Variants in KLHL8 observed in about 807,000 individuals in gnomAD.
The protein encoded by KLHL8 is kelch like family member 8.
Under a neutral mutation model 63.5 loss-of-function variants are expected in KLHL8, and 38 were observed. The ratio of observed to expected loss-of-function variants is 0.60; its 90% CI spans 0.46 to 0.78. KLHL8 has a LOEUF of 0.78. KLHL8 is among the 30% of genes least tolerant of loss of function. The pLI is 0.00. For synonymous variants in KLHL8, 224 were observed against 254.3 expected (o/e 0.88, Z 1.13); for missense variants, 566 against 752.4 (o/e 0.75, Z 2.90).
At chr4:87,164,980 C>G (rs1730329459) in intron 8 of KLHL8, among the ~76,000 whole-genome samples, 1 of 151,722 alleles carries the variant, frequency 6.6e-6, no homozygotes, top group Non-Finnish European at 1.5e-5. Context: ...AACCCCGTCT[C>G]TACTAAAAAT....
chr4:87,176,671 GAA>G (rs769103341), intron 6 of KLHL8, 84 bp downstream of exon 6: 6 of 768,240 alleles, frequency 7.8e-6, no homozygotes, highest in East Asian at 5.1e-5. Context: ...TTCTAAAGTA[GAA>G]AAAAAAGTTT....
intron 1 of KLHL8, among the ~76,000 whole-genome samples, chr4:87,237,319 G>A (rs1339460508): frequency 6.6e-6 from 1 of 152,210 alleles, no homozygotes; most frequent in Non-Finnish European, 1.5e-5. Flanking sequence ...AAGAAAAGCT[G>A]TATTTGAGCT....
At chr4:87,231,527 C>T (rs550376177) in intron 1 of KLHL8, among the ~76,000 whole-genome samples, 7 of 152,154 alleles carry the variant, frequency 4.6e-5, no homozygotes, top group South Asian at 4.2e-4. Flanking sequence ...TGAACAGTAA[C>T]GTTCATCCCA....
intron 1 of KLHL8, among the ~76,000 whole-genome samples, chr4:87,229,431 T>A (rs1733095513): frequency 1.3e-5 from 1 of 75,134 alleles, no homozygotes; most frequent in African/African-American, 6.5e-5. Flanking sequence ...TTTTTTTTTT[T>A]TTTTGGTGGG....
intron 1 of KLHL8, among the ~76,000 whole-genome samples, chr4:87,203,535 GAA>G (rs565987676): frequency 4.0e-5 from 3 of 75,740 alleles, no homozygotes; most frequent in Admixed American, 1.4e-4. Flanking sequence ...TCTCACAAAA[GAA>G]AAAAAAAAAA....
chr4:87,213,839 C>T (rs192682434), intron 1 of KLHL8, among the ~76,000 whole-genome samples: 7 of 152,200 alleles, frequency 4.6e-5, no homozygotes, highest in African/African-American at 7.2e-5. Flanking sequence ...CAGCCATACG[C>T]GACACAAGGC....
At chr4:87,180,968 T>G (rs1253808306) in intron 4 of KLHL8, among the ~76,000 whole-genome samples, 1 of 152,084 alleles carries the variant, frequency 6.6e-6, no homozygotes, top group African/African-American at 2.4e-5. Flanking sequence ...CCCATGAGGT[T>G]CAAGGCACAG....
At position 87,185,722 on chromosome 4, in the gene KLHL8, A is replaced by G; in HGVS notation, c.294T>C (p.Ser98=). Residue 98 remains serine, a synonymous_variant, in exon 3 of 10, where the codon TCT becomes TCC. Transcript: ENST00000273963. ...VIPYFRAMFL[S]EMAEAKQTLI... ...GCGTTTGCTTGGCTTCAGCCATTTCAGAAAGAAACATGGCTCTAAAGTAGG... is the reference window on the plus strand; with the variant it reads ...GCGTTTGCTTGGCTTCAGCCATTTCGGAAAGAAACATGGCTCTAAAGTAGG... 2 of 1,614,072 alleles carry G rather than the reference A, an allele frequency of 1.2e-6. No individual in the cohort carries two copies. Among genetic ancestry groups the G allele is most frequent in the Non-Finnish European group, 1.7e-6 (2 of 1,179,958 alleles).
At chr4:87,165,137 A>C (rs373185068) in intron 8 of KLHL8, among the ~76,000 whole-genome samples, 4 of 144,094 alleles carry the variant, frequency 2.8e-5, no homozygotes, top group Middle Eastern at 3.2e-3. Flanking sequence ...GCGACAGAGC[A>C]AGACTCTGTC....
intron 2 of KLHL8, among the ~76,000 whole-genome samples, chr4:87,188,987 A>T (rs1184091110): frequency 6.6e-6 from 1 of 152,260 alleles, no homozygotes; most frequent in African/African-American, 2.4e-5. Context: ...ATTAAATTTA[A>T]CGGAGTTTAA....
At chr4:87,207,693 C>T in intron 1 of KLHL8, 1 of 950,588 alleles carries the variant, frequency 1.1e-6, no homozygotes, top group East Asian at 2.4e-5. Context: ...GCAGGGCTCT[C>T]CAGAACATCA....
chr4:87,170,624 A>G lies in KLHL8; in HGVS notation c.1209-9T>C. On this transcript the variant is annotated splice_polypyrimidine_tract_variant and intron_variant, in intron 6 of 9. Transcript: ENST00000273963. ...CCAAGGCAATTCCTCGCCTGCAAAG[A>G]CAATAAAACATACTTTAGCAAATGA... The G allele has an allele frequency of 6.3e-7, 1 of 1,596,016 alleles. No homozygotes were observed. The highest frequency in any genetic ancestry group is 8.5e-7 in the Non-Finnish European group (1 of 1,174,816).
At chr4:87,222,941 CTTTTA>C (rs1055746534), upstream of KLHL8, among the ~76,000 whole-genome samples, 4 of 151,844 alleles carry the variant, frequency 2.6e-5, no homozygotes, top group Non-Finnish European at 5.9e-5. Context: ...ATAGCCTAAG[CTTTTA>C]TTTTATTTTA....
intron 2 of KLHL8, 31 bp from the exon 3 acceptor site, chr4:87,185,830 T>G: frequency 1.3e-6 from 2 of 1,513,006 alleles, no homozygotes; most frequent in Non-Finnish European, 8.8e-7. Flanking sequence ...AAGATTCTGT[T>G]TAATATCAAA....
intron 1 of KLHL8, among the ~76,000 whole-genome samples, chr4:87,218,342 G>T (rs1383351426): frequency 6.6e-6 from 1 of 150,904 alleles, no homozygotes; most frequent in East Asian, 1.9e-4. Context: ...AGTGATTCTC[G>T]TGTCTCTGGG....
At chr4:87,239,589 T>C (rs1733292818) in intron 1 of KLHL8, among the ~76,000 whole-genome samples, 1 of 152,176 alleles carries the variant, frequency 6.6e-6, no homozygotes, top group Non-Finnish European at 1.5e-5. Context: ...AAGCTTTACC[T>C]CTGGGTACCT....
rs752782498 is a variant in KLHL8 at position 87,185,787 on chromosome 4, G to A, written c.229C>T (p.Leu77=). The change falls in exon 3 of 10, where the codon CTA becomes TTA. Residue 77 remains leucine, a synonymous_variant. Transcript: ENST00000273963. ...AATACCAGCTTGTGACAAGAGATTA[G>A]CTTTGAGCCAACCTGTTCAAAAGAA... The part of the protein sequence containing the change: ...CDVTLKVGSK[L]ISCHKLVLAC... The A allele has an allele frequency of 6.2e-7, 1 of 1,605,082 alleles. No individual in the cohort carries two copies. The highest frequency in any genetic ancestry group is 2.2e-5 in the East Asian group (1 of 44,702).
At chr4:87,228,650 C>T (rs779944622) in intron 1 of KLHL8, among the ~76,000 whole-genome samples, 1 of 152,156 alleles carries the variant, frequency 6.6e-6, no homozygotes, top group Non-Finnish European at 1.5e-5. Flanking sequence ...TATTCTTTTA[C>T]TGGGTCAGTG....
chr4:87,172,466 C>T (rs1730671546), intron 6 of KLHL8, among the ~76,000 whole-genome samples: 2 of 152,152 alleles, frequency 1.3e-5, no homozygotes, highest in Admixed American at 6.5e-5. Context: ...TTTTAAGCTG[C>T]TAAATTGGGG....
Sources: gnomAD v4.1 joint callset for allele counts (sites outside exome capture counted in the v4.1 genomes callset) on GRCh38, gnomAD v4.1.1 for gene constraint, MANE v1.5 for transcripts, NCBI Gene and HGNC (gene_info 2026-07-23, HGNC 2026-07-21) for gene names.